The following TOP3B variants were observed in gnomAD, a reference collection of about 807,000 sequenced individuals.
The protein encoded by TOP3B is DNA topoisomerase III beta.
Under a neutral mutation model 93.9 loss-of-function variants are expected in TOP3B, and 45 were observed. The ratio of observed to expected loss-of-function variants is 0.48; its 90% CI spans 0.38 to 0.61. TOP3B has a LOEUF of 0.61. Among genes scored for constraint, TOP3B ranks in the 20% least tolerant of loss-of-function variants. The probability of loss-of-function intolerance (pLI) is 0.00; values close to 1 mark genes in which losing one functional copy is unlikely to be tolerated. For synonymous variants in TOP3B, 357 were observed against 472.6 expected (o/e 0.76, Z 3.17); for missense variants, 750 against 1,156.1 (o/e 0.65, Z 5.09).
At chr22:21,980,205 A>G (rs1010146054) in intron 1 of TOP3B, among the ~76,000 whole-genome samples, 3 of 152,174 alleles carry the variant, frequency 2.0e-5, no homozygotes, top group South Asian at 4.1e-4. Context: ...AATCACCTGG[A>G]GTGGGTGTTA....
At chr22:21,980,059 C>A (rs896574723) in intron 1 of TOP3B, among the ~76,000 whole-genome samples, 2 of 150,522 alleles carry the variant, frequency 1.3e-5, no homozygotes, top group African/African-American at 4.9e-5. Context: ...TGAAATAAAT[C>A]ATGCTAAGAA....
chr22:21,957,721 T>C, intron 17 of TOP3B, 126 bp from the exon 18 acceptor site: 1 of 1,460,060 alleles, frequency 6.8e-7, no homozygotes, highest in South Asian at 1.4e-5. Flanking sequence ...TTGGCCTTGC[T>C]CTTGGGGACA....
chr22:21,963,917 C>T lies in TOP3B; in HGVS notation c.1204+6G>A, dbSNP rs559773769. ...AAGCACACCGGGTATGGGATGAGAG[C>T]GGTACCTAATTCGGCCTCTGTGGCA... On this transcript the variant is annotated splice_donor_region_variant and intron_variant, in intron 11 of 17. Coordinates refer to ENST00000357179, the MANE Select transcript of TOP3B (RefSeq NM_001282112.2). The surrounding 1 kb of genome is among the most constrained non-coding windows in gnomAD (Gnocchi z 4.8). 32 of 1,613,098 alleles carry T rather than the reference C, an allele frequency of 2.0e-5. No homozygotes were observed. In the East Asian group the frequency reaches 5.1e-4, roughly 26 times the overall value.
intron 16 of TOP3B, 61 bp downstream of exon 16, chr22:21,959,071 G>C: frequency 6.3e-7 from 1 of 1,584,254 alleles, no homozygotes; most frequent in Admixed American, 1.7e-5. Flanking sequence ...GCTGATCAAC[G>C]ATAAAGCTGA....
chr22:21,972,892 T>C (rs2145869717), intron 3 of TOP3B, 174 bp from the exon 4 acceptor site: 1 of 617,640 alleles, frequency 1.6e-6, no homozygotes, highest in Non-Finnish European at 2.9e-6. Context: ...TTCAGGCCTT[T>C]GGTAACCCCC....
At chr22:21,959,553 C>T (rs978986924) in intron 15 of TOP3B, 34 bp downstream of exon 15, 2 of 1,577,824 alleles carry the variant, frequency 1.3e-6, no homozygotes, top group Non-Finnish European at 1.7e-6. Context: ...AGAGACACCC[C>T]TCTGGTGAGG....
intron 14 of TOP3B, 105 bp downstream of exon 14, chr22:21,960,216 G>A: frequency 6.6e-7 from 1 of 1,526,074 alleles, no homozygotes; most frequent in Non-Finnish European, 9.0e-7. Context: ...GGGGCTGGGG[G>A]ATCACTGTAG....
chr22:21,962,621 C>G lies in TOP3B; in HGVS notation c.1352-19G>C, dbSNP rs371277860. The G allele has an allele frequency of 6.2e-7, 1 of 1,607,298 alleles. No individual in the cohort carries two copies. The highest frequency in any genetic ancestry group is 8.5e-7 in the Non-Finnish European group (1 of 1,174,998). ...GTGAAGCCTGGAGAGATATGCGCCG[C>G]CACTCAGGGTCCCCAGCCTGGGTGG... On this transcript the variant is annotated intron_variant, in intron 12 of 17. Transcript: ENST00000357179.
rs758065808 is a variant in TOP3B, at chr22:21,963,934, T to C, written c.1193A>G (p.Glu398Gly). 3 of 1,613,582 alleles carry C rather than the reference T, an allele frequency of 1.9e-6. No homozygotes were observed. Among genetic ancestry groups the C allele is most frequent in the Non-Finnish European group, 2.5e-6 (3 of 1,179,990 alleles). The part of the protein sequence containing the change: ...PPITPMKSAT[E>G]AELGGDAWRL... ...GATGAGAGCGGTACCTAATTCGGCC[T>C]CTGTGGCAGACTTCATGGGGGTGAT... The change falls in exon 11 of 18, where the codon GAG becomes GGG. Residue 398 changes from glutamate (E) to glycine (G), a missense_variant. By Grantham distance (98) the Glu-to-Gly change is moderately conservative. Coordinates refer to ENST00000357179, the MANE Select transcript of TOP3B (RefSeq NM_001282112.2). This position sits in a 1 kb window ranked among gnomAD's most constrained non-coding sequence, Gnocchi z 4.8.
chr22:21,967,040 T>A (rs929319393), intron 8 of TOP3B: 4 of 154,978 alleles, frequency 2.6e-5, no homozygotes, highest in African/African-American at 9.7e-5. Flanking sequence ...GTAGCATGTT[T>A]ACTTCAATAG....
intron 4 of TOP3B, chr22:21,972,375 C>A: frequency 2.1e-6 from 1 of 485,822 alleles, no homozygotes. Context: ...ACCAAACAAG[C>A]TATTTTAAAA....
intron 14 of TOP3B, 26 bp from the exon 15 acceptor site, chr22:21,959,762 TGCCCTGAGCACTCGCACCCAG>T (rs2071086756): frequency 6.2e-7 from 1 of 1,606,268 alleles, no homozygotes; most frequent in South Asian, 1.1e-5. Flanking sequence ...GGGCAGATAT[TGCCCTGAGCACTCGCACCCAG>T]GGCCATGCCA....
At chr22:21,975,589 AAC>A (rs1178437453) in intron 2 of TOP3B, 49 bp downstream of exon 2, 7 of 1,548,968 alleles carry the variant, frequency 4.5e-6, no homozygotes, top group African/African-American at 4.1e-5. Flanking sequence ...AATGTCCTGT[AAC>A]ACATAAACGA....
rs778333403 is a variant in TOP3B, at chr22:21,975,719, G to A, written c.-10C>T. 1.0e-5 allele frequency: 16 copies of A among 1,604,040 alleles called. No individual in the cohort carries two copies. The South Asian group carries it at 1.5e-4, about 15-fold the overall frequency. On this transcript the variant is annotated 5_prime_UTR_variant, in exon 2 of 18. Coordinates refer to ENST00000357179, the MANE Select transcript of TOP3B (RefSeq NM_001282112.2). ...TGAGCACAGTCTTCATTTTGTCTCG[G>A]TCCTTCACACTCCAGTTTCGGGGCA...
chr22:21,962,943 C>T (rs745782326), intron 11 of TOP3B, 50 bp from the exon 12 acceptor site: 13 of 1,599,140 alleles, frequency 8.1e-6, no homozygotes, highest in East Asian at 6.7e-5. Flanking sequence ...GGGCTCTGGC[C>T]GTGAGGAGCC....
rs1364178280 is a variant in TOP3B, at chr22:21,963,872, G to A, written c.1204+51C>T. 6.3e-7 allele frequency: 1 copy of A among 1,587,884 alleles called. No individual in the cohort carries two copies. On this transcript the variant is annotated intron_variant, in intron 11 of 17. Coordinates refer to ENST00000357179, the MANE Select transcript of TOP3B (RefSeq NM_001282112.2). The surrounding 1 kb of genome is among the most constrained non-coding windows in gnomAD (Gnocchi z 4.8). ...AGGGCCTGCAACCTTCACTGTCGCA[G>A]CTCGCCCTTCCCTCCCTGGAAGCAC...
At chr22:21,964,573 T>G (rs9610730) in intron 9 of TOP3B, 15,577 of 543,752 alleles carry the variant, frequency 0.029, 291 homozygotes, top group Admixed American at 0.044. Context: ...CGCCACTCAC[T>G]CTACCCCACG....
At chr22:21,969,280 C>A (rs1015840184) in intron 6 of TOP3B, 1 of 153,542 alleles carries the variant, frequency 6.5e-6, no homozygotes, top group Non-Finnish European at 1.4e-5. Flanking sequence ...GGACTACAGG[C>A]TCACACCACC....
rs2071579424 is a variant in TOP3B at position 21,970,197 on chromosome 22, G to A, written c.581+13C>T. On this transcript the variant is annotated intron_variant, in intron 6 of 17. Transcript: ENST00000357179. The surrounding 1 kb of genome is among the most constrained non-coding windows in gnomAD (Gnocchi z 4.4). The stretch of plus-strand genomic sequence containing the variant: ...TGAGGGTGTGCCCAGGACTCTGCGG[G>A]TGTGGCCAGCACCTGGTGAATGCAC... 1 of 1,607,858 alleles carries A rather than the reference G, an allele frequency of 6.2e-7. No homozygotes were observed.
Sources: allele counts gnomAD v4.1 joint callset (sites outside exome capture counted in the v4.1 genomes callset), GRCh38; gene constraint gnomAD v4.1.1; non-coding constraint Gnocchi (gnomAD v3.1); transcripts MANE v1.5; gene names NCBI Gene and HGNC (gene_info 2026-07-23, HGNC 2026-07-21).